Variants in PPP1R14C observed in about 807,000 individuals in gnomAD.
PPP1R14C encodes protein phosphatase 1 regulatory subunit 14C.
A neutral mutation model predicts 20.4 loss-of-function variants in PPP1R14C; 16 were observed. The observed-to-expected ratio is 0.78, with a 90% CI of 0.53 to 1.19. The LOEUF (loss-of-function observed/expected upper bound fraction) is 1.19, where lower values mean the gene tolerates loss of function less well. PPP1R14C is among the 50% of genes most tolerant of loss of function. The pLI, the probability that PPP1R14C is intolerant of heterozygous loss-of-function variation, is 0.00. For missense variants in PPP1R14C, 211 were observed against 220.1 expected, an observed-to-expected ratio of 0.96 and a Z score of 0.26; for synonymous variants, 91 against 91.0, an observed-to-expected ratio of 1.00 and a Z score of 0.00.
intron 3 of PPP1R14C, among the ~76,000 whole-genome samples, chr6:150,240,882 G>A (rs1349114582): frequency 6.6e-6 from 1 of 152,196 alleles, no homozygotes; most frequent in Non-Finnish European, 1.5e-5. Context: ...CCAGGTCCTT[G>A]GCACAGAACT....
At chr6:150,207,619 C>T (rs1192279396) in intron 1 of PPP1R14C, among the ~76,000 whole-genome samples, 6 of 152,188 alleles carry the variant, frequency 3.9e-5, no homozygotes, top group African/African-American at 1.4e-4. Context: ...AGCACTCCTT[C>T]CCAAAACAGG....
chr6:150,194,400 G>GT (rs1777779564), intron 1 of PPP1R14C: 1 of 969,214 alleles, frequency 1.0e-6, no homozygotes. Context: ...ACCCCTGTTT[G>GT]TTTTGTCTCT....
intron 3 of PPP1R14C, among the ~76,000 whole-genome samples, chr6:150,222,391 A>G (rs530987528): frequency 1.7e-4 from 26 of 152,240 alleles, no homozygotes; most frequent in South Asian, 8.3e-4. Flanking sequence ...AGCCTCCCCA[A>G]TTGTCACCAT....
intron 1 of PPP1R14C, among the ~76,000 whole-genome samples, chr6:150,178,081 G>A (rs921316579): frequency 1.3e-5 from 2 of 152,162 alleles, no homozygotes; most frequent in Non-Finnish European, 2.9e-5. Context: ...TCCTGGAGCC[G>A]CGGCTGGCCC....
chr6:150,229,760 A>T (rs1469722711), intron 3 of PPP1R14C, among the ~76,000 whole-genome samples: 1 of 152,230 alleles, frequency 6.6e-6, no homozygotes, highest in African/African-American at 2.4e-5. Context: ...AACAGCAGCC[A>T]CAAACCCTTA....
chr6:150,174,015 T>TCCC (rs571196400), intron 1 of PPP1R14C, among the ~76,000 whole-genome samples: 60 of 92,782 alleles, frequency 6.5e-4, no homozygotes, highest in South Asian at 1.3e-3. Context: ...CACCTCTCCC[T>TCCC]CCCCCCCACC....
At chr6:150,239,142 T>C (rs1778402817) in intron 3 of PPP1R14C, among the ~76,000 whole-genome samples, 1 of 152,218 alleles carries the variant, frequency 6.6e-6, no homozygotes, top group South Asian at 2.1e-4. Flanking sequence ...AAATAACATA[T>C]CATTTTCACT....
At chr6:150,230,939 GGAAGGCTACCAGATAGTTGGCT>G (rs1401106460) in intron 3 of PPP1R14C, among the ~76,000 whole-genome samples, 1 of 152,196 alleles carries the variant, frequency 6.6e-6, no homozygotes, top group Non-Finnish European at 1.5e-5. Context: ...GAATGACTAG[GGAAGGCTACCAGATAGTTGGCT>G]GTGGTGATAA....
intron 3 of PPP1R14C, among the ~76,000 whole-genome samples, chr6:150,233,689 A>C (rs1351648571): frequency 6.6e-6 from 1 of 152,246 alleles, no homozygotes; most frequent in East Asian, 1.9e-4. Flanking sequence ...GAGACTGGCC[A>C]GGCACTTTCG....
intron 1 of PPP1R14C, among the ~76,000 whole-genome samples, chr6:150,189,384 G>A (rs1207270648): frequency 6.6e-6 from 1 of 152,088 alleles, no homozygotes; most frequent in Non-Finnish European, 1.5e-5. Flanking sequence ...CCCCAGACAG[G>A]GATCATAATG....
chr6:150,225,409 G>A (rs1375529808), intron 3 of PPP1R14C, among the ~76,000 whole-genome samples: 1 of 152,170 alleles, frequency 6.6e-6, no homozygotes, highest in African/African-American at 2.4e-5. Flanking sequence ...TCCAGTTCAA[G>A]TTTTTCTACT....
intron 1 of PPP1R14C, among the ~76,000 whole-genome samples, chr6:150,166,069 C>T (rs1290748188): frequency 6.8e-6 from 1 of 146,556 alleles, no homozygotes; most frequent in Non-Finnish European, 1.5e-5. Context: ...ACATACCGCT[C>T]TTCTTCTTCT....
chr6:150,178,495 G>T (rs2114876503), intron 1 of PPP1R14C, among the ~76,000 whole-genome samples: 1 of 152,340 alleles, frequency 6.6e-6, no homozygotes, highest in Middle Eastern at 3.4e-3. Flanking sequence ...GCCAGCCTTT[G>T]AAGTTCATTT....
chr6:150,158,134 A>G (rs1312515563), intron 1 of PPP1R14C, among the ~76,000 whole-genome samples: 3 of 152,174 alleles, frequency 2.0e-5, no homozygotes, highest in African/African-American at 7.2e-5. Context: ...TTTCAGAGAA[A>G]TTTTGGGGAT....
chr6:150,149,563 G>GT (rs1413843686), intron 1 of PPP1R14C, among the ~76,000 whole-genome samples: 1 of 148,096 alleles, frequency 6.8e-6, no homozygotes, highest in Non-Finnish European at 1.5e-5. Flanking sequence ...CTTCCAAAGT[G>GT]TTGGGATTAC....
intron 1 of PPP1R14C, among the ~76,000 whole-genome samples, chr6:150,158,116 T>C (rs1036000871): frequency 2.6e-5 from 4 of 152,212 alleles, no homozygotes; most frequent in Admixed American, 2.6e-4. Flanking sequence ...TTTTAAATTA[T>C]CTAATCCTTT....
chr6:150,243,581 A>G (rs558412132), intron 3 of PPP1R14C, among the ~76,000 whole-genome samples: 11 of 152,362 alleles, frequency 7.2e-5, no homozygotes, highest in South Asian at 2.1e-4. Context: ...AGGATTTACT[A>G]TAAATAAATC....
intron 1 of PPP1R14C, among the ~76,000 whole-genome samples, chr6:150,145,702 C>T (rs576052942): frequency 1.4e-4 from 21 of 152,306 alleles, no homozygotes; most frequent in South Asian, 4.1e-4. Context: ...CTTACAGCTC[C>T]GAACTTCATG....
intron 3 of PPP1R14C, among the ~76,000 whole-genome samples, chr6:150,225,648 C>T (rs1369597370): frequency 6.6e-6 from 1 of 152,168 alleles, no homozygotes; most frequent in Non-Finnish European, 1.5e-5. Flanking sequence ...TGACTGGAAA[C>T]AGGAAGTCTC....
Sources: allele counts gnomAD v4.1 joint callset (sites outside exome capture counted in the v4.1 genomes callset), GRCh38; gene constraint gnomAD v4.1.1; transcripts MANE v1.5; gene names NCBI Gene and HGNC (gene_info 2026-07-23, HGNC 2026-07-21).